The following PPP4R4 variants were observed in gnomAD, a reference collection of about 807,000 sequenced individuals.
PPP4R4 encodes the protein serine/threonine-protein phosphatase 4 regulatory subunit 4.
Under a neutral mutation model 121.8 loss-of-function variants are expected in PPP4R4, and 70 were observed. The observed-to-expected ratio is 0.57, with a 90% CI of 0.47 to 0.70. The LOEUF is 0.70. PPP4R4 is among the 30% of genes least tolerant of loss of function. The pLI, the probability that PPP4R4 is intolerant of heterozygous loss-of-function variation, is 0.00. For synonymous variants in PPP4R4, 348 were observed against 355.7 expected (o/e 0.98, Z 0.24); for missense variants, 875 against 1,033.6 (o/e 0.85, Z 2.10).
intron 2 of PPP4R4, among the ~76,000 whole-genome samples, chr14:94,195,267 A>G (rs1376263122): frequency 6.6e-6 from 1 of 152,174 alleles, no homozygotes; most frequent in African/African-American, 2.4e-5. Flanking sequence ...GAAACTTCTT[A>G]GAAATCAAGT....
At chr14:94,232,593 A>G (rs1442052128) in intron 5 of PPP4R4, among the ~76,000 whole-genome samples, 1 of 152,218 alleles carries the variant, frequency 6.6e-6, no homozygotes, top group African/African-American at 2.4e-5. Context: ...TATGTAATTT[A>G]TTCTAAACTT....
At chr14:94,174,985 CA>C (rs1191593681) in intron 1 of PPP4R4, among the ~76,000 whole-genome samples, 1 of 125,014 alleles carries the variant, frequency 8.0e-6, no homozygotes, top group African/African-American at 3.0e-5. Context: ...CCCCCCCCCC[CA>C]AAGGAGCTGC....
At chr14:94,270,931 A>G (rs1894290885) in intron 23 of PPP4R4, among the ~76,000 whole-genome samples, 2 of 151,272 alleles carry the variant, frequency 1.3e-5, no homozygotes, top group South Asian at 4.2e-4. Context: ...AAAAAAAACA[A>G]CAACAACAAC....
At chr14:94,193,456 ATAAT>A (rs753050065) in intron 2 of PPP4R4, among the ~76,000 whole-genome samples, 3 of 152,192 alleles carry the variant, frequency 2.0e-5, no homozygotes, top group Admixed American at 6.5e-5. Flanking sequence ...AATTAGTATG[ATAAT>A]TAAATAAGAT....
chr14:94,265,551 AG>A, intron 21 of PPP4R4, 78 bp downstream of exon 21: 1 of 1,232,916 alleles, frequency 8.1e-7, no homozygotes, highest in Non-Finnish European at 1.2e-6. Flanking sequence ...TCACTCTATT[AG>A]ATGAGATACA....
intron 16 of PPP4R4, among the ~76,000 whole-genome samples, chr14:94,254,812 C>T (rs1356001767): frequency 6.6e-6 from 1 of 152,152 alleles, no homozygotes; most frequent in African/African-American, 2.4e-5. Context: ...TGAAATGCCT[C>T]CTCCTGGAAA....
At chr14:94,195,542 G>A (rs966965647) in intron 2 of PPP4R4, among the ~76,000 whole-genome samples, 2 of 152,078 alleles carry the variant, frequency 1.3e-5, no homozygotes, top group Non-Finnish European at 2.9e-5. Context: ...GTCTAAACCA[G>A]GATTTCTTAG....
intron 15 of PPP4R4, among the ~76,000 whole-genome samples, chr14:94,250,714 C>A (rs1252616683): frequency 6.6e-6 from 1 of 151,712 alleles, no homozygotes; most frequent in African/African-American, 2.4e-5. Flanking sequence ...TTTATAATGT[C>A]TTAAGAAACT....
intron 17 of PPP4R4, among the ~76,000 whole-genome samples, chr14:94,256,984 GGA>G (rs907957812): frequency 1.3e-5 from 2 of 152,088 alleles, no homozygotes; most frequent in Admixed American, 1.3e-4. Flanking sequence ...ACTTATCCCT[GGA>G]AGGGCCCTTT....
At chr14:94,203,141 C>T (rs1998134) in intron 2 of PPP4R4, among the ~76,000 whole-genome samples, 24,038 of 152,144 alleles carry the variant, frequency 0.16, 2,019 homozygotes, top group Middle Eastern at 0.24. Context: ...ATAAGATTTC[C>T]ATCACCATGG....
At chr14:94,202,663 G>T (rs1340122846) in intron 2 of PPP4R4, among the ~76,000 whole-genome samples, 3 of 152,090 alleles carry the variant, frequency 2.0e-5, no homozygotes, top group Non-Finnish European at 4.4e-5. Context: ...TGAAAATTCT[G>T]TTACATTAAC....
intron 3 of PPP4R4, among the ~76,000 whole-genome samples, chr14:94,226,294 A>C (rs1052400334): frequency 6.6e-6 from 1 of 152,160 alleles, no homozygotes; most frequent in African/African-American, 2.4e-5. Flanking sequence ...TCCTTTATGG[A>C]AAGAGTTCTT....
chr14:94,267,730 A>G (rs1172263790), intron 23 of PPP4R4, among the ~76,000 whole-genome samples: 1 of 152,154 alleles, frequency 6.6e-6, no homozygotes, highest in Non-Finnish European at 1.5e-5. Flanking sequence ...ACTGGTTGAA[A>G]ATTTTACTAT....
At chr14:94,224,213 A>G (rs1338486846) in intron 3 of PPP4R4, among the ~76,000 whole-genome samples, 1 of 152,206 alleles carries the variant, frequency 6.6e-6, no homozygotes, top group Non-Finnish European at 1.5e-5. Context: ...GGAGTTGCCG[A>G]GACAGTGAAA....
At chr14:94,226,076 G>C (rs531212045) in intron 3 of PPP4R4, among the ~76,000 whole-genome samples, 1 of 152,204 alleles carries the variant, frequency 6.6e-6, no homozygotes, top group East Asian at 1.9e-4. Flanking sequence ...GTTTTGAATT[G>C]CTGCTTATTT....
Position 94,226,860 on chromosome 14 carries a change from T to C in PPP4R4, c.295-3727T>C, listed in dbSNP as rs548184293. On this transcript the variant is annotated intron_variant, in intron 3 of 24. Coordinates refer to ENST00000304338, the MANE Select transcript of PPP4R4 (RefSeq NM_058237.2). ...TTTCAGTTTTATTCAATAAGATTCT[T>C]TTCAGAATTTGTGAAACTTAAACAC... Among the ~76,000 whole-genome samples the C allele has an allele frequency of 7.2e-5, 11 of 152,308 alleles. No homozygotes were observed. In the South Asian group the frequency reaches 2.1e-3, roughly 29 times the overall value.
At chr14:94,225,923 A>G (rs762916356) in intron 3 of PPP4R4, among the ~76,000 whole-genome samples, 1 of 152,070 alleles carries the variant, frequency 6.6e-6, no homozygotes, top group African/African-American at 2.4e-5. Context: ...TTTTTTTTCT[A>G]AGAGAACTGT....
chr14:94,270,057 G>A (rs192012632), intron 23 of PPP4R4, among the ~76,000 whole-genome samples: 2 of 152,238 alleles, frequency 1.3e-5, no homozygotes, highest in African/African-American at 4.8e-5. Flanking sequence ...GGGAATATAT[G>A]AGAATTATTC....
intron 2 of PPP4R4, among the ~76,000 whole-genome samples, chr14:94,191,137 A>T (rs1889578023): frequency 1.3e-5 from 2 of 152,180 alleles, no homozygotes; most frequent in African/African-American, 4.8e-5. Flanking sequence ...GTGTACTTGC[A>T]CCTTAATAAG....
Sources: allele counts gnomAD v4.1 joint callset (sites outside exome capture counted in the v4.1 genomes callset), GRCh38; gene constraint gnomAD v4.1.1; transcripts MANE v1.5; gene names NCBI Gene and HGNC (gene_info 2026-07-23, HGNC 2026-07-21).